The following JPT1 variants were observed in gnomAD, a reference collection of about 807,000 sequenced individuals.
JPT1 encodes Jupiter microtubule associated homolog 1.
A neutral mutation model predicts 17.0 loss-of-function variants in JPT1; 5 were observed. The observed-to-expected ratio is 0.29, with a 90% confidence interval of 0.15 to 0.62. The LOEUF is 0.62. Ranked by LOEUF, JPT1 falls within the 20% of genes least tolerant of loss-of-function variation. The pLI, the probability that JPT1 is intolerant of heterozygous loss-of-function variation, is 0.85. For missense variants in JPT1, 158 were observed against 188.1 expected (o/e 0.84, Z 0.94); for synonymous variants, 71 against 73.6 (o/e 0.96, Z 0.18).
chr17:75,148,098 C>T (rs2074476166), intron 2 of JPT1: 2 of 226,006 alleles, frequency 8.8e-6, no homozygotes, highest in Non-Finnish European at 1.8e-5. Flanking sequence ...TTAAGCTGAT[C>T]ACTTAAACAT....
intron 4 of JPT1, among the ~76,000 whole-genome samples, chr17:75,137,685 CTTTTTTTTTTTTTTTTT>C (rs60118585): frequency 6.2e-5 from 7 of 112,818 alleles, no homozygotes; most frequent in African/African-American, 4.8e-5. Context: ...CCTAGTTTTC[CTTTTTTTTTTTTTTTTT>C]TTTTTTTTTT....
intron 3 of JPT1, 53 bp from the exon 4 acceptor site, chr17:75,146,737 G>A (rs2074443929): frequency 7.2e-6 from 8 of 1,109,138 alleles, no homozygotes; most frequent in South Asian, 4.1e-5. Flanking sequence ...TTTGGAACAC[G>A]CAAAACAGTC....
chr17:75,150,797 T>C (rs2074534289), intron 1 of JPT1, among the ~76,000 whole-genome samples: 1 of 151,848 alleles, frequency 6.6e-6, no homozygotes, highest in Admixed American at 6.6e-5. Context: ...ATATGAGTGG[T>C]CTGGTTTTGT....
chr17:75,146,656 A>G lies in JPT1; in HGVS notation c.316+10T>C. 6.5e-7 allele frequency: 1 copy of G among 1,537,848 alleles called. No individual in the cohort carries two copies. Among genetic ancestry groups the G allele is most frequent in the Non-Finnish European group, 8.8e-7 (1 of 1,132,772 alleles). The stretch of plus-strand genomic sequence containing the variant: ...ACAGAGCCAGAAATTTGGTCTTCAG[A>G]AGTACTTACCATGAATATCACCTTC... On this transcript the variant is annotated intron_variant, in intron 4 of 4. Coordinates refer to ENST00000409753, the MANE Select transcript of JPT1 (RefSeq NM_016185.4).
chr17:75,135,692 T>C lies in JPT1; in HGVS notation c.*410A>G, dbSNP rs1273029842. The C allele has an allele frequency of 9.0e-6, 2 of 221,190 alleles. No individual in the cohort carries two copies. The highest frequency in any genetic ancestry group is 2.3e-5 in the African/African-American group (1 of 44,022). The allele number at this position is 221,190 out of a possible 1,614,324, so 13.7% of individuals were successfully genotyped here. A position where few individuals can be genotyped will look rare whatever the true frequency, so the allele number is the denominator to read the frequency against. On this transcript the variant is annotated 3_prime_UTR_variant, in exon 5 of 5. Coordinates refer to ENST00000409753, the MANE Select transcript of JPT1 (RefSeq NM_016185.4). ...AGTTAGGGCAACACCAAGAAGGCTC[T>C]GCGGAGAGACTCCCTGTGGGTTGGG...
At chr17:75,141,406 A>G (rs1344963845) in intron 4 of JPT1, 1 of 152,330 alleles carries the variant, frequency 6.6e-6, no homozygotes, top group Non-Finnish European at 1.5e-5. Context: ...TAATCCCAGC[A>G]CTTTGGGAGG....
intron 3 of JPT1, 96 bp from the exon 4 acceptor site, chr17:75,146,780 C>A: frequency 2.7e-6 from 2 of 751,392 alleles, no homozygotes; most frequent in South Asian, 3.2e-5. Flanking sequence ...TACTTGAAAC[C>A]GAATGTGACA....
In JPT1 at chr17:75,147,608, A is replaced by C; in HGVS notation, c.245T>G (p.Leu82Arg). Residue 82 changes from leucine to arginine, a missense_variant, in exon 3 of 5, where the codon CTG (leucine) becomes CGG (arginine). Transcript: ENST00000409753. ...GGREDLESSG[L>R]QRRNSSEASS... is the part of the protein sequence containing the mutation. ...TGCTTCAGAGGAGTTCCTTCTCTGC[A>C]GTCCAGATGACTCCAAGTCTTCCCT... 6.2e-7 allele frequency: 1 copy of C among 1,614,130 alleles called. No individual in the cohort carries two copies. The highest frequency in any genetic ancestry group is 2.2e-5 in the East Asian group (1 of 44,890).
At chr17:75,143,023 T>C (rs540555413) in intron 4 of JPT1, among the ~76,000 whole-genome samples, 1 of 152,274 alleles carries the variant, frequency 6.6e-6, no homozygotes, top group East Asian at 1.9e-4. Context: ...TGTGACCTCC[T>C]GTCCTCCTTT....
chr17:75,137,685 CTTTTTTTTTTTTTTT>C (rs60118585), intron 4 of JPT1, among the ~76,000 whole-genome samples: 60,966 of 113,400 alleles, frequency 0.54, 16,503 homozygotes, highest in Middle Eastern at 0.64. Context: ...CCTAGTTTTC[CTTTTTTTTTTTTTTT>C]TTTTTTTTTT....
In JPT1 at chr17:75,135,494, G is replaced by A. The variant is rs917669937; in HGVS notation, c.*608C>T. On this transcript the variant is annotated 3_prime_UTR_variant, in exon 5 of 5. Transcript: ENST00000409753. ...ATTGTACATCCAAGCCTTCCTCTGC[G>A]TGAGAGCAAAGGCTTTGCTCATCAG... 1.3e-5 allele frequency: 2 copies of A among 152,292 alleles called. No individual in the cohort carries two copies. Among genetic ancestry groups the A allele is most frequent in the Admixed American group, 6.5e-5 (1 of 15,280 alleles). 9.4% of individuals were successfully genotyped at this position (152,292 alleles called of 1,614,324 possible). A position where few individuals can be genotyped will look rare whatever the true frequency, so the allele number is the denominator to read the frequency against.
intron 4 of JPT1, among the ~76,000 whole-genome samples, chr17:75,143,422 A>C (rs1391063092): frequency 6.6e-6 from 1 of 152,078 alleles, no homozygotes; most frequent in Admixed American, 6.6e-5. Flanking sequence ...AGCCAGGTAT[A>C]GTAGCGTGCA....
At chr17:75,141,739 C>T (rs2074313469) in intron 4 of JPT1, among the ~76,000 whole-genome samples, 1 of 151,960 alleles carries the variant, frequency 6.6e-6, no homozygotes, top group Admixed American at 6.6e-5. Flanking sequence ...CCAGCCTGGC[C>T]AACATGGCGA....
rs973368930 is a variant in JPT1, at chr17:75,137,530, T to G, written c.317-1280A>C. On this transcript the variant is annotated intron_variant, in intron 4 of 4. Transcript: ENST00000409753. The stretch of plus-strand genomic sequence containing the variant: ...CACCACCACAACTGGCTATTTTTGT[T>G]TTTTTTTTTTTTTTATTTTTAAAAG... Among the ~76,000 whole-genome samples the G allele has an allele frequency of 9.6e-4, 136 of 140,940 alleles. 2 individuals carry two copies. The highest frequency in any genetic ancestry group is 4.0e-3 in the African/African-American group (132 of 32,996). The allele number at this position is 140,940 out of a possible 152,430, so 92.5% of individuals were successfully genotyped here.
chr17:75,151,635 C>A (rs2074554417), intron 1 of JPT1, among the ~76,000 whole-genome samples: 2 of 151,796 alleles, frequency 1.3e-5, no homozygotes, highest in Admixed American at 1.3e-4. Flanking sequence ...TGCACTCCAG[C>A]CTGGCAACAC....
Position 75,148,583 on chromosome 17 carries a change from A to T in JPT1, c.145T>A (p.Ser49Thr), listed in dbSNP as rs757621033. Residue 49 changes from serine to threonine, a missense_variant, in exon 2 of 5, where the codon TCT becomes ACT. Ser to Thr is a moderately conservative substitution (Grantham distance 58). Coordinates refer to ENST00000409753, the MANE Select transcript of JPT1 (RefSeq NM_016185.4). ...TCTTCAGGTGTCCCAAAGATATTAG[A>T]GGCCATTTTGTTCTTCCTCACAGGT... ...EQPVRKNKMA[S>T]NIFGTPEENQ... 1 of 1,614,188 alleles carries T rather than the reference A, an allele frequency of 6.2e-7. No individual in the cohort carries two copies. The highest frequency in any genetic ancestry group is 1.1e-5 in the South Asian group (1 of 91,080).
rs970425499 is a variant in JPT1, at chr17:75,136,007, G to T, written c.*95C>A. 1.9e-6 allele frequency: 3 copies of T among 1,605,900 alleles called. No individual in the cohort carries two copies. The highest frequency in any genetic ancestry group is 2.6e-6 in the Non-Finnish European group (3 of 1,175,872). On this transcript the variant is annotated 3_prime_UTR_variant, in exon 5 of 5. Transcript: ENST00000409753. Reference sequence around the variant, plus strand: ...AGTACATAAAGTGCTTCTTTTTAATGAAACAAATCCAAGAGATGTACAGTC... The same window carrying T: ...AGTACATAAAGTGCTTCTTTTTAATTAAACAAATCCAAGAGATGTACAGTC...
intron 4 of JPT1, among the ~76,000 whole-genome samples, chr17:75,144,863 T>C (rs1420822349): frequency 2.0e-5 from 3 of 151,796 alleles, no homozygotes; most frequent in African/African-American, 7.3e-5. Flanking sequence ...GTGTTGATGA[T>C]TGTTGTGGTG....
At chr17:75,142,841 GTAAC>G in intron 4 of JPT1, 1 of 453,788 alleles carries the variant, frequency 2.2e-6, no homozygotes, top group South Asian at 1.6e-5. Context: ...CAATGCAAAA[GTAAC>G]TGGTCCTGTG....
Sources: allele counts gnomAD v4.1 joint callset (sites outside exome capture counted in the v4.1 genomes callset), GRCh38; gene constraint gnomAD v4.1.1; transcripts MANE v1.5; gene names NCBI Gene and HGNC (gene_info 2026-07-23, HGNC 2026-07-21).